Variants in ROBO2 observed in about 807,000 individuals in gnomAD.
ROBO2 encodes roundabout guidance receptor 2.
ROBO2 carries 53 observed loss-of-function variants against 160.8 expected under a neutral mutation model. That is an observed-to-expected ratio of 0.33 (90% CI 0.26 to 0.41). The LOEUF is 0.41. Among genes scored for constraint, ROBO2 ranks in the 10% least tolerant of loss-of-function variants. ROBO2 has a pLI of 1.00. For synonymous variants in ROBO2, 664 were observed against 611.7 expected, an observed-to-expected ratio of 1.09 and a Z score of -1.26; for missense variants, 1,577 against 1,722.4, an observed-to-expected ratio of 0.92 and a Z score of 1.49.
chr3:77,523,077 C>A, intron 6 of ROBO2, among the ~76,000 whole-genome samples, 175 bp downstream of exon 6: 1 of 150,834 alleles, frequency 6.6e-6, no homozygotes, highest in East Asian at 2.0e-4. Flanking sequence ...TATTTGGTTC[C>A]CAATGATGAT....
At chr3:77,105,282 T>C (rs9859970) in intron 2 of ROBO2, among the ~76,000 whole-genome samples, 25,464 of 152,192 alleles carry the variant, frequency 0.17, 2,710 homozygotes, top group Non-Finnish European at 0.23. Context: ...TCCGTGGCGA[T>C]GAGTTGGACT....
intron 2 of ROBO2, among the ~76,000 whole-genome samples, chr3:76,287,213 T>G (rs1358943199): frequency 2.6e-5 from 4 of 152,144 alleles, no homozygotes; most frequent in African/African-American, 7.2e-5. Flanking sequence ...GACTAGGCCT[T>G]GAGGAGGCAC....
intron 2 of ROBO2, among the ~76,000 whole-genome samples, chr3:76,135,606 C>G (rs1051666494): frequency 1.3e-5 from 2 of 152,174 alleles, no homozygotes; most frequent in South Asian, 4.1e-4. Flanking sequence ...CTAGAGGAAT[C>G]GGCCCATGAG....
intron 2 of ROBO2, among the ~76,000 whole-genome samples, chr3:77,361,171 C>T (rs1194535003): frequency 6.6e-6 from 1 of 152,022 alleles, no homozygotes; most frequent in East Asian, 1.9e-4. Flanking sequence ...ATGCAGTTTG[C>T]CCAGTTAAAT....
intron 23 of ROBO2, chr3:77,632,510 A>C: frequency 2.6e-6 from 4 of 1,535,416 alleles, no homozygotes; most frequent in South Asian, 1.2e-5. Context: ...GCATCTGATG[A>C]GGATCGTAAC....
At chr3:77,180,981 T>C (rs112343004) in intron 2 of ROBO2, among the ~76,000 whole-genome samples, 1 of 152,076 alleles carries the variant, frequency 6.6e-6, no homozygotes, top group African/African-American at 2.4e-5. Flanking sequence ...TTTAACTTGC[T>C]GCCAAACTCA....
intron 2 of ROBO2, among the ~76,000 whole-genome samples, chr3:76,472,462 A>G (rs1306446453): frequency 2.0e-5 from 3 of 152,118 alleles, no homozygotes; most frequent in Non-Finnish European, 4.4e-5. Flanking sequence ...TGCAATCCTC[A>G]TCCTACTATC....
intron 2 of ROBO2, among the ~76,000 whole-genome samples, chr3:77,324,449 A>T (rs6771595): frequency 0.41 from 61,816 of 151,956 alleles, 14,161 homozygotes; most frequent in African/African-American, 0.62. Context: ...CCCGTTGTCC[A>T]GTTGTAGGGA....
intron 2 of ROBO2, among the ~76,000 whole-genome samples, chr3:77,374,100 G>A (rs953210058): frequency 6.9e-6 from 1 of 144,216 alleles, no homozygotes; most frequent in East Asian, 2.0e-4. Flanking sequence ...AACCTGGGAG[G>A]CGGAGCTTGC....
intron 5 of ROBO2, among the ~76,000 whole-genome samples, chr3:77,506,738 A>G (rs183007611): frequency 2.0e-5 from 3 of 152,136 alleles, no homozygotes; most frequent in Non-Finnish European, 4.4e-5. Context: ...GAAAAAATCA[A>G]TCTGGGCATT....
intron 2 of ROBO2, among the ~76,000 whole-genome samples, chr3:76,512,743 A>G (rs1176187080): frequency 6.6e-6 from 1 of 152,164 alleles, no homozygotes; most frequent in East Asian, 1.9e-4. Flanking sequence ...GTATAAATGG[A>G]TATGAAATAT....
intron 2 of ROBO2, among the ~76,000 whole-genome samples, chr3:75,944,262 G>A (rs557247028): frequency 2.4e-4 from 37 of 151,996 alleles, no homozygotes; most frequent in African/African-American, 8.9e-4. Flanking sequence ...ACTAAAGTAC[G>A]AGAGCCTGAA....
rs1312785871 is a variant in ROBO2 at position 77,162,172 on chromosome 3, C to T, written c.388+63832C>T. 6.6e-5 allele frequency among the ~76,000 whole-genome samples: 10 copies of T among 151,964 alleles called. No homozygotes were observed. In the East Asian group the frequency reaches 1.4e-3, roughly 21 times the overall value. On this transcript the variant is annotated intron_variant, in intron 2 of 25. Transcript: ENST00000461745. ...ATAGGGCATATGGCAGAAAACCATA[C>T]TCTGTAAAACACGACAGCTCAGGAG... is the stretch of plus-strand genomic sequence containing the variant.
chr3:76,992,348 T>A (rs1559812081), intron 2 of ROBO2, among the ~76,000 whole-genome samples: 3 of 135,526 alleles, frequency 2.2e-5, no homozygotes, highest in Admixed American at 7.4e-5. Flanking sequence ...TATATATATA[T>A]ATATATATAT....
At chr3:76,025,176 G>C (rs888871903) in intron 2 of ROBO2, among the ~76,000 whole-genome samples, 1 of 151,344 alleles carries the variant, frequency 6.6e-6, no homozygotes, top group Non-Finnish European at 1.5e-5. Flanking sequence ...TTTAAATAAT[G>C]CTAAATATTT....
At chr3:76,588,648 G>A (rs1287985433) in intron 2 of ROBO2, among the ~76,000 whole-genome samples, 8 of 152,092 alleles carry the variant, frequency 5.3e-5, no homozygotes, top group Non-Finnish European at 1.2e-4. Context: ...CTTATGTAGA[G>A]GCATTCAATG....
At chr3:76,564,645 A>AGT (rs1430954128) in intron 2 of ROBO2, among the ~76,000 whole-genome samples, 19 of 152,336 alleles carry the variant, frequency 1.2e-4, no homozygotes, top group African/African-American at 4.3e-4. Context: ...GACATTTTCA[A>AGT]GTGTAACAGA....
At chr3:77,325,199 T>C (rs1434022165) in intron 2 of ROBO2, among the ~76,000 whole-genome samples, 1 of 152,130 alleles carries the variant, frequency 6.6e-6, no homozygotes, top group East Asian at 1.9e-4. Flanking sequence ...GAAAAAAATA[T>C]ATTCTCTGAT....
intron 2 of ROBO2, among the ~76,000 whole-genome samples, chr3:76,416,556 A>AT (rs1054833061): frequency 5.3e-5 from 8 of 152,100 alleles, no homozygotes; most frequent in African/African-American, 1.9e-4. Context: ...AAATTAGTGG[A>AT]TTTTTTTCTT....
Sources: gnomAD v4.1 joint callset for allele counts (sites outside exome capture counted in the v4.1 genomes callset) on GRCh38, gnomAD v4.1.1 for gene constraint, MANE v1.5 for transcripts, NCBI Gene and HGNC (gene_info 2026-07-23, HGNC 2026-07-21) for gene names.